Variants in ZBTB7C observed in about 807,000 individuals in gnomAD.
ZBTB7C encodes the protein zinc finger and BTB domain containing 7C.
ZBTB7C carries 8 observed loss-of-function variants against 25.7 expected under a neutral mutation model. That is an observed-to-expected ratio of 0.31 (90% confidence interval 0.18 to 0.56). ZBTB7C has a LOEUF of 0.56. Ranked by LOEUF, ZBTB7C falls within the 20% of genes least tolerant of loss-of-function variation. The pLI is 0.91. For synonymous variants in ZBTB7C, 394 were observed against 369.0 expected, an observed-to-expected ratio of 1.07 and a Z score of -0.78; for missense variants, 824 against 855.2, an observed-to-expected ratio of 0.96 and a Z score of 0.46.
chr18:48,403,977 G>T lies in ZBTB7C; in HGVS notation c.-304+5249C>A, dbSNP rs76816974. On this transcript the variant is annotated intron_variant, in intron 1 of 4. Transcript: ENST00000590800. ...GAAAAGAAAAAAAAAGATTGGCGAG[G>T]CATGGTAGCTGACGCCTATAATCCC... Among the ~76,000 whole-genome samples, 282 of 152,354 alleles carry T rather than the reference G, an allele frequency of 1.9e-3. 5 individuals carry two copies. In the East Asian group the frequency reaches 0.044, roughly 24 times the overall value.
At chr18:48,096,037 G>A (rs1192901570) in intron 3 of ZBTB7C, among the ~76,000 whole-genome samples, 1 of 152,212 alleles carries the variant, frequency 6.6e-6, no homozygotes, top group Non-Finnish European at 1.5e-5. Context: ...CTGTCACTGA[G>A]CTATTGCACC....
intron 1 of ZBTB7C, among the ~76,000 whole-genome samples, chr18:48,369,812 T>C (rs1267691790): frequency 6.6e-6 from 1 of 152,178 alleles, no homozygotes; most frequent in Non-Finnish European, 1.5e-5. Context: ...CAGAGTTCAA[T>C]ACTACTCTCA....
At chr18:48,378,010 G>T (rs1263485841) in intron 1 of ZBTB7C, among the ~76,000 whole-genome samples, 1 of 152,138 alleles carries the variant, frequency 6.6e-6, no homozygotes, top group Non-Finnish European at 1.5e-5. Flanking sequence ...AATTAGCCAG[G>T]CGTGGCAGCA....
chr18:48,375,743 G>A (rs1416820677), intron 1 of ZBTB7C: 1 of 152,200 alleles, frequency 6.6e-6, no homozygotes, highest in Non-Finnish European at 1.5e-5. Context: ...GAATTGTGGT[G>A]AGGATTAAAT....
intron 2 of ZBTB7C, among the ~76,000 whole-genome samples, chr18:48,287,840 G>GATAAATGTGTA (rs1598787393): frequency 6.6e-6 from 1 of 152,324 alleles, no homozygotes; most frequent in East Asian, 1.9e-4. Flanking sequence ...GGGTAAGGGA[G>GATAAATGTGTA]ACACCTGATA....
At chr18:48,106,813 A>C (rs2039044935) in intron 3 of ZBTB7C, among the ~76,000 whole-genome samples, 2 of 145,162 alleles carry the variant, frequency 1.4e-5, no homozygotes, top group African/African-American at 2.5e-5. Context: ...GAACCAGGGA[A>C]GAAGGGGGTT....
rs530428085 is a variant in ZBTB7C, at chr18:48,028,350, G to T, written c.*910C>A. The T allele has an allele frequency of 2.0e-5, 3 of 152,208 alleles. No individual in the cohort carries two copies. Among genetic ancestry groups the T allele is most frequent in the Non-Finnish European group, 4.4e-5 (3 of 68,064 alleles). 9.4% of individuals were successfully genotyped at this position (152,208 alleles called of 1,614,324 possible). ...CAGGGAAGGTAGGGTAGCATTCTGA[G>T]TTCGCAGAGCTACCTGTGGGCTTTG... On this transcript the variant is annotated 3_prime_UTR_variant, in exon 5 of 5. Coordinates refer to ENST00000590800, the MANE Select transcript of ZBTB7C (RefSeq NM_001318841.2).
intron 2 of ZBTB7C, among the ~76,000 whole-genome samples, chr18:48,220,272 G>A (rs75457984): frequency 0.032 from 4,845 of 152,298 alleles, 90 homozygotes; most frequent in African/African-American, 0.042. Flanking sequence ...AGGATGGAGA[G>A]GGGATGAATG....
intron 3 of ZBTB7C, among the ~76,000 whole-genome samples, chr18:48,112,581 C>T (rs2039287136): frequency 6.6e-6 from 1 of 152,080 alleles, no homozygotes; most frequent in African/African-American, 2.4e-5. Context: ...CTCCTGAACT[C>T]TTGAACTCTT....
intron 2 of ZBTB7C, among the ~76,000 whole-genome samples, chr18:48,196,855 A>C (rs2042329837): frequency 6.6e-6 from 1 of 152,242 alleles, no homozygotes; most frequent in Admixed American, 6.5e-5. Context: ...GCCCTTCAGA[A>C]GAACATATCT....
chr18:48,203,186 C>T (rs2042497384), intron 2 of ZBTB7C, among the ~76,000 whole-genome samples: 1 of 152,134 alleles, frequency 6.6e-6, no homozygotes, highest in Non-Finnish European at 1.5e-5. Flanking sequence ...TCCCTCTTTC[C>T]ACCCTTTCCC....
Position 48,185,775 on chromosome 18 carries a change from T to C in ZBTB7C, c.-17+159A>G, listed in dbSNP as rs1204053397. Among the ~76,000 whole-genome samples, 6 of 152,122 alleles carry C rather than the reference T, an allele frequency of 3.9e-5. No individual in the cohort carries two copies. The South Asian group carries it at 1.2e-3, about 32-fold the overall frequency. On this transcript the variant is annotated intron_variant, in intron 3 of 4. Transcript: ENST00000590800. The stretch of plus-strand genomic sequence containing the variant: ...CCCTCCTCCAATTCAGTGCCTTACA[T>C]TCCTGGGTTCAGCTCCACCCCAAGG...
chr18:48,189,297 A>C (rs1171374744), intron 2 of ZBTB7C, among the ~76,000 whole-genome samples: 1 of 152,240 alleles, frequency 6.6e-6, no homozygotes, highest in African/African-American at 2.4e-5. Flanking sequence ...TGGAAAGGTC[A>C]TTAGAGCTAA....
intron 3 of ZBTB7C, among the ~76,000 whole-genome samples, chr18:48,180,148 T>TTCCTTCCTTCCTTCCTTCC (rs1568282872): frequency 3.1e-4 from 11 of 35,642 alleles, no homozygotes; most frequent in Admixed American, 6.9e-4. Flanking sequence ...TCCTTCCTTC[T>TTCCTTCCTTCCTTCCTTCC]TTCCCTCCCT....
chr18:48,313,714 A>G (rs1268238317), intron 2 of ZBTB7C, among the ~76,000 whole-genome samples: 1 of 152,172 alleles, frequency 6.6e-6, no homozygotes, highest in African/African-American at 2.4e-5. Flanking sequence ...AAGCCACAGA[A>G]TACAGATGTC....
At chr18:48,187,361 A>G (rs1187426857) in intron 2 of ZBTB7C, among the ~76,000 whole-genome samples, 1 of 152,228 alleles carries the variant, frequency 6.6e-6, no homozygotes, top group Non-Finnish European at 1.5e-5. Flanking sequence ...ATACAGCAGA[A>G]TTTTATTTAG....
chr18:48,102,907 C>T (rs1330053407), intron 3 of ZBTB7C, among the ~76,000 whole-genome samples: 2 of 151,920 alleles, frequency 1.3e-5, no homozygotes, highest in Non-Finnish European at 2.9e-5. Flanking sequence ...AAAAGGGAGT[C>T]TGCATTCACA....
intron 1 of ZBTB7C, among the ~76,000 whole-genome samples, chr18:48,367,175 T>TATATATATATATATATATATATATA (rs2047242433): frequency 1.6e-5 from 1 of 62,252 alleles, no homozygotes; most frequent in African/African-American, 7.5e-5. Flanking sequence ...TCCCCAAGTT[T>TATATATATATATATATATATATATA]TATATATATA....
At chr18:48,340,935 T>C (rs1490978659) in intron 1 of ZBTB7C, among the ~76,000 whole-genome samples, 1 of 152,222 alleles carries the variant, frequency 6.6e-6, no homozygotes, top group Non-Finnish European at 1.5e-5. Context: ...CTCTGCACTC[T>C]GTCACAGGCA....
Sources: gnomAD v4.1 joint callset for allele counts (sites outside exome capture counted in the v4.1 genomes callset) on GRCh38, gnomAD v4.1.1 for gene constraint, MANE v1.5 for transcripts, NCBI Gene and HGNC (gene_info 2026-07-23, HGNC 2026-07-21) for gene names.